ADGRB1: variants seen among roughly 807,000 people sequenced by gnomAD.
ADGRB1 encodes adhesion G protein-coupled receptor B1.
ADGRB1 carries 36 observed loss-of-function variants against 175.7 expected under a neutral mutation model. The ratio of observed to expected loss-of-function variants is 0.20; its 90% CI spans 0.16 to 0.27. The LOEUF (loss-of-function observed/expected upper bound fraction) is 0.27, where lower values mean the gene tolerates loss of function less well. Ranked by LOEUF, ADGRB1 falls within the 10% of genes least tolerant of loss-of-function variation. ADGRB1 has a pLI of 1.00. For missense variants in ADGRB1, 1,731 were observed against 2,255.3 expected, an observed-to-expected ratio of 0.77 and a Z score of 4.71; for synonymous variants, 1,054 against 979.4, an observed-to-expected ratio of 1.08 and a Z score of -1.42.
At chr8:142,479,586 C>CGTCCT in intron 8 of ADGRB1, 99 bp downstream of exon 8, 1 of 1,531,968 alleles carries the variant, frequency 6.5e-7, no homozygotes, top group South Asian at 1.2e-5. Flanking sequence ...TGGGGGCTCC[C>CGTCCT]GTCCTGTCCT....
In ADGRB1 at chr8:142,524,742, C is replaced by A. The variant is rs191291346; in HGVS notation, c.3312+438C>A. ...CGGCTGCTTGCCCCTTCGGGGGCCCCGGTGAGGACCTTCCCTGTGTGGGTC... is the reference window on the plus strand; with the variant it reads ...CGGCTGCTTGCCCCTTCGGGGGCCCAGGTGAGGACCTTCCCTGTGTGGGTC... On this transcript the variant is annotated intron_variant, in intron 23 of 30. Transcript: ENST00000517894. Among the ~76,000 whole-genome samples the A allele has an allele frequency of 2.6e-5, 4 of 152,230 alleles. No homozygotes were observed. In the East Asian group the frequency reaches 7.7e-4, roughly 29 times the overall value.
At chr8:142,453,058 T>TCGCC (rs1839456599) in intron 1 of ADGRB1, among the ~76,000 whole-genome samples, 1 of 90,128 alleles carries the variant, frequency 1.1e-5, no homozygotes. Flanking sequence ...GCTCGCTCGC[T>TCGCC]CGCCGTCCGC....
At chr8:142,499,554 C>G (rs1395550399) in intron 17 of ADGRB1, among the ~76,000 whole-genome samples, 1 of 152,202 alleles carries the variant, frequency 6.6e-6, no homozygotes, top group Non-Finnish European at 1.5e-5. Flanking sequence ...GGAGTCCACG[C>G]CAGGCCCCAG....
At chr8:142,526,714 G>T in intron 24 of ADGRB1, 87 bp downstream of exon 24, 1 of 1,312,416 alleles carries the variant, frequency 7.6e-7, no homozygotes, top group East Asian at 2.5e-5. Context: ...AACGCTCCAT[G>T]CCCAATCTGA....
At chr8:142,453,164 G>A (rs1839464396) in intron 1 of ADGRB1, among the ~76,000 whole-genome samples, 1 of 152,064 alleles carries the variant, frequency 6.6e-6, no homozygotes, top group African/African-American at 2.4e-5. Context: ...TGGCGTGAGC[G>A]CGCGTTTGCG....
chr8:142,499,309 G>A (rs917781294), intron 17 of ADGRB1, among the ~76,000 whole-genome samples: 2 of 152,232 alleles, frequency 1.3e-5, no homozygotes, highest in Non-Finnish European at 2.9e-5. Context: ...TTAAAGCCAG[G>A]CTGCTGTGAG....
At chr8:142,487,898 C>T (rs1841761479) in intron 13 of ADGRB1, among the ~76,000 whole-genome samples, 1 of 152,222 alleles carries the variant, frequency 6.6e-6, no homozygotes, top group Non-Finnish European at 1.5e-5. Context: ...CAGCCCCCAT[C>T]CCCCTTCTAC....
chr8:142,476,310 G>A (rs1246945519), intron 3 of ADGRB1, among the ~76,000 whole-genome samples: 2 of 152,186 alleles, frequency 1.3e-5, no homozygotes, highest in East Asian at 3.9e-4. Flanking sequence ...GGGGTGCCAG[G>A]CACGGGAGAG....
At position 142,490,809 on chromosome 8, in the gene ADGRB1, C is replaced by T. The variant is rs748528325; in HGVS notation, c.2669C>T (p.Thr890Met). ...TNQTCILWDE[T>M]DVPSSSAPPQ... ...CAGACCTGTATCCTGTGGGATGAGA[C>T]GGATGTGTAAGTTCACTTGGATTTC... Residue 890 changes from threonine to methionine, a missense_variant, in exon 17 of 31, where the codon ACG (threonine) becomes ATG (methionine). Physicochemically the swap from Thr to Met is moderately conservative, Grantham distance 81 (BLOSUM62 -1). Coordinates refer to ENST00000517894, the MANE Select transcript of ADGRB1 (RefSeq NM_001702.3). 5.7e-6 allele frequency: 9 copies of T among 1,583,372 alleles called. No individual in the cohort carries two copies. Among genetic ancestry groups the T allele is most frequent in the African/African-American group, 1.3e-5 (1 of 74,406 alleles).
chr8:142,544,163 G>C (rs1845454881), intron 30 of ADGRB1, 57 bp from the exon 31 acceptor site: 1 of 1,525,136 alleles, frequency 6.6e-7, no homozygotes, highest in South Asian at 1.2e-5. Context: ...CCTACTCCTC[G>C]GGCTCATGGC....
chr8:142,476,986 C>A, intron 4 of ADGRB1, 128 bp from the exon 5 acceptor site: 1 of 1,309,678 alleles, frequency 7.6e-7, no homozygotes, highest in Non-Finnish European at 1.0e-6. Context: ...GGTTCGAAGG[C>A]CCGGGGGCTC....
intron 18 of ADGRB1, among the ~76,000 whole-genome samples, 186 bp from the exon 19 acceptor site, chr8:142,517,952 T>G (rs1320930926): frequency 7.0e-6 from 1 of 143,122 alleles, no homozygotes; most frequent in Admixed American, 7.0e-5. Flanking sequence ...AAGGGAGTTC[T>G]GGAGGGCCTG....
At chr8:142,458,882 C>G (rs1033959413) in intron 1 of ADGRB1, among the ~76,000 whole-genome samples, 1 of 152,196 alleles carries the variant, frequency 6.6e-6, no homozygotes, top group Non-Finnish European at 1.5e-5. Flanking sequence ...TTATCCAGGT[C>G]GAGATATGGA....
At chr8:142,462,402 A>G (rs1840018028) in intron 1 of ADGRB1, among the ~76,000 whole-genome samples, 1 of 152,178 alleles carries the variant, frequency 6.6e-6, no homozygotes, top group African/African-American at 2.4e-5. Context: ...TTACAGATGG[A>G]GAAACCGAGG....
intron 14 of ADGRB1, 26 bp downstream of exon 14, chr8:142,488,533 G>A: frequency 6.2e-7 from 1 of 1,606,636 alleles, no homozygotes. Flanking sequence ...AGTGGAGGGG[G>A]ACCTTCATGG....
chr8:142,488,928 G>C, intron 14 of ADGRB1, 107 bp from the exon 15 acceptor site: 1 of 1,363,742 alleles, frequency 7.3e-7, no homozygotes. Context: ...ACGCGACCTT[G>C]AAGATGGGCG....
intron 1 of ADGRB1, among the ~76,000 whole-genome samples, chr8:142,462,389 A>G (rs1041231314): frequency 1.3e-5 from 2 of 152,036 alleles, no homozygotes; most frequent in African/African-American, 2.4e-5. Context: ...TGCCCATCCC[A>G]CTTTACAGAT....
chr8:142,522,805 C>A (rs1027448039), intron 22 of ADGRB1, 95 bp downstream of exon 22: 2 of 1,267,714 alleles, frequency 1.6e-6, no homozygotes, highest in Non-Finnish European at 2.1e-6. Context: ...GCCCTCCCCC[C>A]GTGTGACCCT....
intron 1 of ADGRB1, among the ~76,000 whole-genome samples, chr8:142,452,983 G>A (rs1839445241): frequency 6.8e-6 from 1 of 148,000 alleles, no homozygotes; most frequent in South Asian, 2.1e-4. Flanking sequence ...CCTGGCCCGC[G>A]GCTCCGGCCC....
Sources: gnomAD v4.1 joint callset for allele counts (sites outside exome capture counted in the v4.1 genomes callset) on GRCh38, gnomAD v4.1.1 for gene constraint, MANE v1.5 for transcripts, NCBI Gene and HGNC (gene_info 2026-07-23, HGNC 2026-07-21) for gene names.